The following ATP2B2 variants were observed in gnomAD, a reference collection of about 807,000 sequenced individuals.
ATP2B2 encodes the protein ATPase plasma membrane Ca2+ transporting 2.
Under a neutral mutation model 120.0 loss-of-function variants are expected in ATP2B2, and 15 were observed. The ratio of observed to expected loss-of-function variants is 0.12; its 90% CI spans 0.08 to 0.19. The LOEUF is 0.19. Among genes scored for constraint, ATP2B2 ranks in the 10% least tolerant of loss-of-function variants. The probability of loss-of-function intolerance (pLI) is 1.00; values close to 1 mark genes in which losing one functional copy is unlikely to be tolerated. For synonymous variants in ATP2B2, 694 were observed against 700.3 expected, an observed-to-expected ratio of 0.99 and a Z score of 0.14; for missense variants, 1,045 against 1,719.8, an observed-to-expected ratio of 0.61 and a Z score of 6.94.
intron 3 of ATP2B2, among the ~76,000 whole-genome samples, chr3:10,407,593 G>A (rs751679628): frequency 6.6e-6 from 1 of 152,194 alleles, no homozygotes; most frequent in Non-Finnish European, 1.5e-5. Flanking sequence ...GGCGGAGGCG[G>A]GCAGTGGACC....
chr3:10,587,426 T>C (rs1338441221), intron 2 of ATP2B2, among the ~76,000 whole-genome samples: 1 of 151,180 alleles, frequency 6.6e-6, no homozygotes, highest in Non-Finnish European at 1.5e-5. Context: ...TCTCACACTG[T>C]CACCCAGGCT....
At chr3:10,594,423 T>C (rs1271792747) in intron 2 of ATP2B2, among the ~76,000 whole-genome samples, 1 of 152,038 alleles carries the variant, frequency 6.6e-6, no homozygotes, top group Non-Finnish European at 1.5e-5. Flanking sequence ...TGTAGGGACA[T>C]GGATGAAGCT....
intron 1 of ATP2B2, among the ~76,000 whole-genome samples, chr3:10,485,484 C>T (rs558080716): frequency 1.4e-4 from 21 of 152,326 alleles, no homozygotes; most frequent in African/African-American, 2.6e-4. Flanking sequence ...AGCCTCCTCT[C>T]GCCTTGGCAG....
chr3:10,615,042 A>C (rs1356911900), intron 2 of ATP2B2, among the ~76,000 whole-genome samples: 1 of 152,112 alleles, frequency 6.6e-6, no homozygotes, highest in African/African-American at 2.4e-5. Context: ...GAAGCATTGG[A>C]GACATGGAAG....
chr3:10,576,911 T>G lies in ATP2B2; in HGVS notation c.-414-42778A>C, dbSNP rs367859428. On this transcript the variant is annotated intron_variant, in intron 2 of 21. Transcript: ENST00000646379. Reference sequence around the variant, plus strand: ...AACCCCGTCTCTACTAAAATTAGCCTGGTATGGTGGCGGGTGCCTGTAGTC... The same window carrying G: ...AACCCCGTCTCTACTAAAATTAGCCGGGTATGGTGGCGGGTGCCTGTAGTC... Among the ~76,000 whole-genome samples the G allele has an allele frequency of 2.1e-4, 32 of 151,824 alleles. No homozygotes were observed. The East Asian group carries it at 2.3e-3, about 11-fold the overall frequency.
At chr3:10,482,536 G>C (rs911870833) in intron 1 of ATP2B2, among the ~76,000 whole-genome samples, 3 of 152,204 alleles carry the variant, frequency 2.0e-5, no homozygotes, top group Non-Finnish European at 4.4e-5. Context: ...AGGGGAGAGA[G>C]GGCAGTGCCA....
intron 2 of ATP2B2, among the ~76,000 whole-genome samples, chr3:10,571,338 A>C (rs183341937): frequency 2.0e-5 from 3 of 152,336 alleles, no homozygotes; most frequent in Admixed American, 2.0e-4. Context: ...GGGATGCCAG[A>C]GGGCCAGGTA....
At chr3:10,398,911 G>A (rs1021535200) in intron 5 of ATP2B2, among the ~76,000 whole-genome samples, 7 of 152,212 alleles carry the variant, frequency 4.6e-5, no homozygotes, top group Non-Finnish European at 7.4e-5. Context: ...TCCGAGACCC[G>A]GCCACCCTAT....
At chr3:10,352,735 G>T (rs995246180) in intron 14 of ATP2B2, among the ~76,000 whole-genome samples, 1 of 152,234 alleles carries the variant, frequency 6.6e-6, no homozygotes, top group Non-Finnish European at 1.5e-5. Flanking sequence ...GAATGTCCAA[G>T]ATCTTGTTTA....
At chr3:10,413,285 G>T (rs3774151) in intron 2 of ATP2B2, among the ~76,000 whole-genome samples, 1 of 152,204 alleles carries the variant, frequency 6.6e-6, no homozygotes, top group Non-Finnish European at 1.5e-5. Context: ...CTCCTCAGAT[G>T]CTGACCATGA....
chr3:10,523,105 G>T lies in ATP2B2; in HGVS notation c.-320+10934C>A, dbSNP rs117828594. ...TGAGCCACTGCTTGTGCAAACAGGT[G>T]GGCTGGCAGCTGCTGACAGTGACAA... On this transcript the variant is annotated intron_variant, in intron 3 of 21. Coordinates refer to the ATP2B2 transcript ENST00000646379. Among the ~76,000 whole-genome samples, 74 of 152,288 alleles carry T rather than the reference G, an allele frequency of 4.9e-4. No homozygotes were observed. The East Asian group carries it at 0.013, about 27-fold the overall frequency.
chr3:10,447,832 C>T, intron 2 of ATP2B2, among the ~76,000 whole-genome samples: 1 of 152,246 alleles, frequency 6.6e-6, no homozygotes, highest in East Asian at 1.9e-4. Flanking sequence ...TTTCTCTATT[C>T]CCACCCTCCC....
At chr3:10,560,194 G>A (rs2067871667) in intron 2 of ATP2B2, among the ~76,000 whole-genome samples, 1 of 152,228 alleles carries the variant, frequency 6.6e-6, no homozygotes, top group African/African-American at 2.4e-5. Context: ...AAGGCATCGT[G>A]TAGTAGCTGT....
Position 10,338,280 on chromosome 3 carries a change from C to T in ATP2B2, c.3316G>A (p.Glu1106Lys), listed in dbSNP as rs1034835475. 2 of 1,614,108 alleles carry T rather than the reference C, an allele frequency of 1.2e-6. No homozygotes were observed. The highest frequency in any genetic ancestry group is 2.7e-5 in the African/African-American group (2 of 74,950). Residue 1106 changes from glutamate to lysine, a missense_variant, in exon 22 of 23, where the codon GAG becomes AAG. Glu to Lys is a moderately conservative substitution (Grantham distance 56). This residue lies in a region of ATP2B2 where 211 missense variants were observed against 385.1 expected (regional missense o/e 0.55). Transcript: ENST00000360273. The part of the protein sequence containing the change: ...GRLTQKEEIP[E>K]EELNEDVEEI... ...TCCACGTCCTCGTTGAGCTCCTCCT[C>T]CGGGATCTCCTCCTTCTGTGTGAGC... is the stretch of plus-strand genomic sequence containing the variant.
chr3:10,686,279 G>A (rs1407474328), intron 1 of ATP2B2, among the ~76,000 whole-genome samples: 3 of 152,070 alleles, frequency 2.0e-5, no homozygotes. Flanking sequence ...TTAGTCTTGT[G>A]GAGGACAGAG....
At chr3:10,512,091 C>T (rs532933629) in intron 3 of ATP2B2, among the ~76,000 whole-genome samples, 18 of 152,254 alleles carry the variant, frequency 1.2e-4, no homozygotes, top group East Asian at 9.7e-4. Flanking sequence ...GGTGAGGAAA[C>T]GAGCCCAGAG....
chr3:10,547,820 C>G (rs2067584890), intron 2 of ATP2B2, among the ~76,000 whole-genome samples: 3 of 152,220 alleles, frequency 2.0e-5, no homozygotes. Context: ...GGAAGGGAAT[C>G]TCCCCAGGAA....
intron 2 of ATP2B2, among the ~76,000 whole-genome samples, chr3:10,550,839 G>A (rs1422868965): frequency 6.6e-6 from 1 of 152,208 alleles, no homozygotes; most frequent in African/African-American, 2.4e-5. Context: ...AACATTCACA[G>A]TTGTTCTGGG....
chr3:10,607,923 A>T (rs2069129593), intron 2 of ATP2B2, among the ~76,000 whole-genome samples: 2 of 151,984 alleles, frequency 1.3e-5, no homozygotes. Context: ...ACCAGATTTG[A>T]CCTTATGACC....
Sources: gnomAD v4.1 joint callset for allele counts (sites outside exome capture counted in the v4.1 genomes callset) on GRCh38, gnomAD v4.1.1 for gene constraint, gnomAD v4.1.1 regional missense constraint, MANE v1.5 for transcripts, NCBI Gene and HGNC (gene_info 2026-07-23, HGNC 2026-07-21) for gene names.